SDK2: variants seen among roughly 807,000 people sequenced by gnomAD.
The protein encoded by SDK2 is protein sidekick-2.
Under a neutral mutation model 253.9 loss-of-function variants are expected in SDK2, and 105 were observed. The ratio of observed to expected loss-of-function variants is 0.41; its 90% CI spans 0.35 to 0.49. SDK2 has a LOEUF of 0.49. Ranked by LOEUF, SDK2 falls within the 20% of genes least tolerant of loss-of-function variation. SDK2 has a pLI of 0.06. For synonymous variants in SDK2, 1,249 were observed against 1,234.9 expected (o/e 1.01, Z -0.24); for missense variants, 2,608 against 3,003.0 (o/e 0.87, Z 3.07).
intron 39 of SDK2, among the ~76,000 whole-genome samples, chr17:73,358,525 T>A (rs1052375290): frequency 2.6e-5 from 4 of 152,146 alleles, no homozygotes; most frequent in African/African-American, 9.7e-5. Flanking sequence ...GTGATTTTGA[T>A]CAATTCACAT....
intron 1 of SDK2, among the ~76,000 whole-genome samples, chr17:73,610,775 T>C (rs946186453): frequency 6.6e-6 from 1 of 152,160 alleles, no homozygotes; most frequent in Non-Finnish European, 1.5e-5. Flanking sequence ...ATATGTGTGT[T>C]CATGTATATA....
chr17:73,338,339 A>C lies in SDK2; in HGVS notation c.*248T>G. 4.7e-6 allele frequency: 3 copies of C among 642,148 alleles called. No homozygotes were observed. The highest frequency in any genetic ancestry group is 2.1e-5 in the Admixed American group (1 of 48,050). The allele number at this position is 642,148 out of a possible 1,614,324, so 39.8% of individuals were successfully genotyped here. On this transcript the variant is annotated 3_prime_UTR_variant, in exon 45 of 45. Coordinates refer to ENST00000392650, the MANE Select transcript of SDK2 (RefSeq NM_001144952.2). The surrounding 1 kb of genome is among the most constrained non-coding windows in gnomAD (Gnocchi z 5.0). ...ACAGCCACTTCCCCAGCTCCGTGTA[A>C]TTCCCAAGGGAGCAGTGAACCCCAC...
intron 1 of SDK2, among the ~76,000 whole-genome samples, chr17:73,522,834 A>G (rs1441576686): frequency 1.3e-5 from 2 of 152,226 alleles, no homozygotes; most frequent in African/African-American, 2.4e-5. Flanking sequence ...GAGCATCTCC[A>G]TGGTGCCAAG....
rs8076926 is a variant in SDK2, at chr17:73,472,092, T to A, written c.331+20A>T. ...GCACCACAGTCGCCCCCCCTGCCCC[T>A]GGGTCCCCATTGTACTCACAGGCCA... On this transcript the variant is annotated intron_variant, in intron 3 of 44. Coordinates refer to ENST00000392650, the MANE Select transcript of SDK2 (RefSeq NM_001144952.2). 1.3e-6 allele frequency: 2 copies of A among 1,534,784 alleles called. No individual in the cohort carries two copies. Among genetic ancestry groups the A allele is most frequent in the African/African-American group, 1.4e-5 (1 of 72,868 alleles).
At chr17:73,507,983 A>C (rs1017469551) in intron 1 of SDK2, among the ~76,000 whole-genome samples, 1 of 152,242 alleles carries the variant, frequency 6.6e-6, no homozygotes, top group Non-Finnish European at 1.5e-5. Flanking sequence ...GCCAAAGGGA[A>C]TATCAATGTC....
chr17:73,433,934 G>A lies in SDK2; in HGVS notation c.1196-86C>T, dbSNP rs919734240. ...GGCCAGGGGCCTCCAAGCCCACCGA[G>A]GGCCAGGCCCTCATCCTCCCCCTGC... On this transcript the variant is annotated intron_variant, in intron 9 of 44. Coordinates refer to ENST00000392650, the MANE Select transcript of SDK2 (RefSeq NM_001144952.2). The A allele has an allele frequency of 6.7e-6, 6 of 900,138 alleles. No homozygotes were observed. The Admixed American group carries it at 1.5e-4, about 23-fold the overall frequency. The allele number at this position is 900,138 out of a possible 1,614,324, so 55.8% of individuals were successfully genotyped here.
intron 32 of SDK2, 85 bp from the exon 33 acceptor site, chr17:73,384,096 C>G (rs2062853680): frequency 1.4e-6 from 2 of 1,434,590 alleles, no homozygotes; most frequent in Non-Finnish European, 1.9e-6. Flanking sequence ...CTCCTGCAGC[C>G]ACAGAGCAGG....
chr17:73,430,422 C>T, intron 12 of SDK2, 89 bp downstream of exon 12: 1 of 980,636 alleles, frequency 1.0e-6, no homozygotes, highest in Non-Finnish European at 1.6e-6. Context: ...GCAGCTGTTA[C>T]CTCCCTAATG....
intron 12 of SDK2, 23 bp downstream of exon 12, chr17:73,430,488 G>T (rs541151030): frequency 6.4e-6 from 10 of 1,562,932 alleles, no homozygotes; most frequent in Non-Finnish European, 8.8e-6. Context: ...CCTCTTGCCT[G>T]GAGTCAACAG....
chr17:73,542,401 C>T (rs1352526011), intron 1 of SDK2, among the ~76,000 whole-genome samples: 1 of 152,222 alleles, frequency 6.6e-6, no homozygotes, highest in African/African-American at 2.4e-5. Flanking sequence ...CCTGGCTTGG[C>T]CTCCTGGGTG....
intron 1 of SDK2, among the ~76,000 whole-genome samples, chr17:73,631,091 ATTTC>A (rs1316496584): frequency 1.3e-5 from 2 of 152,070 alleles, no homozygotes; most frequent in East Asian, 3.9e-4. Flanking sequence ...TCTGGGGCTG[ATTTC>A]TCTTCATTAG....
chr17:73,547,543 G>A lies in SDK2; in HGVS notation c.65-39946C>T, dbSNP rs964851712. On this transcript the variant is annotated intron_variant, in intron 1 of 44. Transcript: ENST00000392650. ...GTACAGATCGGGGGATGGGGACAGC[G>A]GAGGCTCAGCAAGTCCTGTGTCCCA... Among the ~76,000 whole-genome samples, 14 of 152,272 alleles carry A rather than the reference G, an allele frequency of 9.2e-5. 1 individual carries two copies. Among genetic ancestry groups the A allele is most frequent in the East Asian group, 7.7e-4 (4 of 5,176 alleles).
At position 73,642,936 on chromosome 17, in the gene SDK2, C is replaced by A. The variant is rs1379618285; in HGVS notation, c.64+1089G>T. 1 of 152,220 alleles carries A rather than the reference C, an allele frequency of 6.6e-6. No homozygotes were observed. The highest frequency in any genetic ancestry group is 6.5e-5 in the Admixed American group (1 of 15,280). 9.4% of individuals were successfully genotyped at this position (152,220 alleles called of 1,614,324 possible). On this transcript the variant is annotated intron_variant, in intron 1 of 44. Coordinates refer to ENST00000392650, the MANE Select transcript of SDK2 (RefSeq NM_001144952.2). The surrounding 1 kb of genome is among the most constrained non-coding windows in gnomAD (Gnocchi z 4.7). ...TGGGTTGCAGCCCCCACAGTCCGGA[C>A]CCCTAGGGTGGGTCTGGCCCCCTCC...
rs141808367 is a variant in SDK2 at position 73,426,861 on chromosome 17, C to T, written c.1584-2769G>A. Reference sequence around the variant, plus strand: ...TAGCACTTTGGGAGGCCGAGGCTGGCGGATCATGAGGTCAGGAGATTGAGA... The same window carrying T: ...TAGCACTTTGGGAGGCCGAGGCTGGTGGATCATGAGGTCAGGAGATTGAGA... On this transcript the variant is annotated intron_variant, in intron 12 of 44. Coordinates refer to ENST00000392650, the MANE Select transcript of SDK2 (RefSeq NM_001144952.2). 3.3e-5 allele frequency among the ~76,000 whole-genome samples: 5 copies of T among 152,008 alleles called. No homozygotes were observed. The East Asian group carries it at 9.7e-4, about 29-fold the overall frequency.
Position 73,395,197 on chromosome 17 carries a change from C to T in SDK2, c.3550G>A (p.Gly1184Arg), listed in dbSNP as rs1348129066. Residue 1184 changes from glycine to arginine, a missense_variant, in exon 25 of 45, where the codon GGG becomes AGG. Gly to Arg is a moderately radical substitution (Grantham distance 125). This residue lies in a region of SDK2 where 1,505 missense variants were observed against 1,859.1 expected (regional missense o/e 0.81). Transcript: ENST00000392650. The surrounding 1 kb of genome is among the most constrained non-coding windows in gnomAD (Gnocchi z 4.3). ...QVQAFNAIGSGPWSQTVVGRT... is the reference protein window; with the variant it reads ...QVQAFNAIGSRPWSQTVVGRT... ...CCCACCACCGTCTGGCTCCAGGGCCCGCTCCCGATGGCGTTGAAGGCCTGG... is the reference window on the plus strand; with the variant it reads ...CCCACCACCGTCTGGCTCCAGGGCCTGCTCCCGATGGCGTTGAAGGCCTGG... The T allele has an allele frequency of 1.2e-6, 2 of 1,609,236 alleles. No homozygotes were observed. The highest frequency in any genetic ancestry group is 1.1e-5 in the South Asian group (1 of 90,212).
At chr17:73,613,901 TTGAGCAG>T (rs2046013206) in intron 1 of SDK2, among the ~76,000 whole-genome samples, 1 of 152,234 alleles carries the variant, frequency 6.6e-6, no homozygotes, top group Non-Finnish European at 1.5e-5. Flanking sequence ...AGGAGGACCT[TTGAGCAG>T]TCAAAGGACC....
chr17:73,594,514 A>G (rs1015127805), intron 1 of SDK2, among the ~76,000 whole-genome samples: 8 of 152,270 alleles, frequency 5.3e-5, no homozygotes, highest in Admixed American at 2.6e-4. Context: ...AGAATATATT[A>G]GATATCACAG....
At chr17:73,412,156 ATATATG>A (rs1385852012) in intron 18 of SDK2, among the ~76,000 whole-genome samples, 304 of 92,564 alleles carry the variant, frequency 3.3e-3, no homozygotes, top group African/African-American at 0.015. Flanking sequence ...ATATATACGT[ATATATG>A]TATATACACA....
chr17:73,594,432 G>C (rs1414067927), intron 1 of SDK2, among the ~76,000 whole-genome samples: 2 of 152,084 alleles, frequency 1.3e-5, no homozygotes, highest in African/African-American at 4.8e-5. Flanking sequence ...GCAAGAACTT[G>C]GTTGCTCCCC....
Sources: allele counts gnomAD v4.1 joint callset (sites outside exome capture counted in the v4.1 genomes callset), GRCh38; gene constraint gnomAD v4.1.1; regional missense constraint gnomAD v4.1.1; non-coding constraint Gnocchi (gnomAD v3.1); transcripts MANE v1.5; gene names NCBI Gene and HGNC (gene_info 2026-07-23, HGNC 2026-07-21).